CBFA2T3: variants seen among roughly 807,000 people sequenced by gnomAD.
The protein encoded by CBFA2T3 is transcriptional corepressor CBFA2T3.
In CBFA2T3, 31 loss-of-function variants were observed where a neutral mutation model predicts 58.6. That is an observed-to-expected ratio of 0.53 (90% CI 0.40 to 0.71). The LOEUF (loss-of-function observed/expected upper bound fraction) is 0.71. Ranked by LOEUF, CBFA2T3 falls within the 30% of genes least tolerant of loss-of-function variation. The pLI is 0.00. For synonymous variants in CBFA2T3, 531 were observed against 421.9 expected, an observed-to-expected ratio of 1.26 and a Z score of -3.17; for missense variants, 1,076 against 963.1, an observed-to-expected ratio of 1.12 and a Z score of -1.55.
intron 3 of CBFA2T3, among the ~76,000 whole-genome samples, chr16:88,896,698 C>T (rs1274867617): frequency 6.6e-6 from 1 of 152,178 alleles, no homozygotes; most frequent in Non-Finnish European, 1.5e-5. Context: ...GCTGGTTTCT[C>T]CAGAACACGA....
At chr16:88,908,696 G>T (rs1970421305) in intron 1 of CBFA2T3, among the ~76,000 whole-genome samples, 1 of 152,196 alleles carries the variant, frequency 6.6e-6, no homozygotes, top group Non-Finnish European at 1.5e-5. Flanking sequence ...GGCCTTCCCC[G>T]CCTCGTACCC....
Position 88,901,494 on chromosome 16 carries a change from G to C in CBFA2T3, c.304+10C>G, listed in dbSNP as rs755175038. ...ACCTGGCCCTCGGCTGCCAGGTGGG[G>C]GCTACTTACGTGTGTGTGGCGTGAA... is the stretch of plus-strand genomic sequence containing the variant. On this transcript the variant is annotated intron_variant, in intron 2 of 11. Coordinates refer to ENST00000268679, the MANE Select transcript of CBFA2T3 (RefSeq NM_005187.6). The C allele has an allele frequency of 4.2e-6, 6 of 1,439,984 alleles. No individual in the cohort carries two copies. In the South Asian group the frequency reaches 8.6e-5, roughly 21 times the overall value. 89.2% of individuals were successfully genotyped at this position (1,439,984 alleles called of 1,614,324 possible). A position where few individuals can be genotyped will look rare whatever the true frequency, so the allele number is the denominator to read the frequency against.
chr16:88,934,424 C>T (rs1037199121), intron 1 of CBFA2T3, among the ~76,000 whole-genome samples: 2 of 152,236 alleles, frequency 1.3e-5, no homozygotes, highest in South Asian at 2.1e-4. Flanking sequence ...GCAGCTCGGC[C>T]GCAGAGGCAC....
At chr16:88,974,308 G>A (rs1477532809) in intron 1 of CBFA2T3, among the ~76,000 whole-genome samples, 1 of 152,156 alleles carries the variant, frequency 6.6e-6, no homozygotes, top group Admixed American at 6.5e-5. Context: ...CGTCTTCAGG[G>A]GTTCCTTCTG....
intron 5 of CBFA2T3, among the ~76,000 whole-genome samples, chr16:88,890,535 T>TCACATGGTCAGACACATTTGG (rs1969589394): frequency 6.6e-6 from 1 of 152,114 alleles, no homozygotes. Flanking sequence ...GCAGAGAAGG[T>TCACATGGTCAGACACATTTGG]CACATGGTCA....
At chr16:88,940,831 C>A (rs1597765897) in intron 1 of CBFA2T3, among the ~76,000 whole-genome samples, 1 of 152,180 alleles carries the variant, frequency 6.6e-6, no homozygotes, top group African/African-American at 2.4e-5. Flanking sequence ...AGGTCAGGCT[C>A]TGCTCACGGG....
chr16:88,881,727 A>G, intron 8 of CBFA2T3: 1 of 482,850 alleles, frequency 2.1e-6, no homozygotes, highest in Non-Finnish European at 3.7e-6. Context: ...AGACGCACGC[A>G]GGAGTTTGGG....
Position 88,881,333 on chromosome 16 carries a change from G to C in CBFA2T3, c.1360C>G (p.Arg454Gly). Reference sequence around the variant, plus strand: ...GGACCGGCGGAGCTGCTGCGGGGCCGGGCCGCGGCGGGAGCGGGGCCCTTC... The same window carrying C: ...GGACCGGCGGAGCTGCTGCGGGGCCCGGCCGCGGCGGGAGCGGGGCCCTTC... ...TKKGPAPAAA[R>G]PRSSSAGPEG... The change falls in exon 9 of 12, where the codon CGG (arginine) becomes GGG (glycine). Residue 454 changes from arginine (R) to glycine (G), a missense_variant. By Grantham distance (125) the Arg-to-Gly change is moderately radical. Transcript: ENST00000268679. The C allele has an allele frequency of 6.3e-7, 1 of 1,581,248 alleles. No homozygotes were observed. The highest frequency in any genetic ancestry group is 8.6e-7 in the Non-Finnish European group (1 of 1,164,978).
chr16:88,909,866 C>T (rs1033165494), intron 1 of CBFA2T3, among the ~76,000 whole-genome samples: 1 of 152,262 alleles, frequency 6.6e-6, no homozygotes, highest in Non-Finnish European at 1.5e-5. Flanking sequence ...CCAGCCTCTA[C>T]TTGGCCGGGC....
At chr16:88,912,149 G>T (rs1008060071) in intron 1 of CBFA2T3, among the ~76,000 whole-genome samples, 1 of 152,228 alleles carries the variant, frequency 6.6e-6, no homozygotes, top group African/African-American at 2.4e-5. Context: ...GCCCACCCGC[G>T]CCTCCCCAAC....
chr16:88,888,659 T>A (rs1425908448), intron 5 of CBFA2T3, among the ~76,000 whole-genome samples: 1 of 125,486 alleles, frequency 8.0e-6, no homozygotes, highest in Admixed American at 8.0e-5. Flanking sequence ...AGGGCCAGGG[T>A]TCTGGCTTGT....
intron 2 of CBFA2T3, 47 bp from the exon 3 acceptor site, chr16:88,898,199 G>A (rs745745711): frequency 1.4e-6 from 2 of 1,464,664 alleles, no homozygotes; most frequent in South Asian, 1.1e-5. Flanking sequence ...GGCGTGGGCA[G>A]GAGACTCTGC....
chr16:88,915,105 T>A (rs1207546860), intron 1 of CBFA2T3, among the ~76,000 whole-genome samples: 2 of 149,924 alleles, frequency 1.3e-5, no homozygotes, highest in South Asian at 2.1e-4. Flanking sequence ...CTTGTCTCCA[T>A]GCCCCCAAGC....
intron 11 of CBFA2T3, among the ~76,000 whole-genome samples, 174 bp downstream of exon 11, chr16:88,879,096 T>G (rs1159388947): frequency 6.6e-6 from 1 of 152,226 alleles, no homozygotes; most frequent in Non-Finnish European, 1.5e-5. Context: ...CTGAACCATG[T>G]GGGATCTCTG....
At chr16:88,910,018 C>T (rs1007798664) in intron 1 of CBFA2T3, among the ~76,000 whole-genome samples, 2 of 152,230 alleles carry the variant, frequency 1.3e-5, no homozygotes, top group Non-Finnish European at 2.9e-5. Context: ...GCTGCTTGGC[C>T]AGTGCCACAG....
In CBFA2T3 at chr16:88,930,303, T is replaced by G. The variant is rs1002946699; in HGVS notation, c.152-28647A>C. Among the ~76,000 whole-genome samples the G allele has an allele frequency of 2.7e-5, 4 of 148,694 alleles. No homozygotes were observed. The East Asian group carries it at 6.0e-4, about 22-fold the overall frequency. ...CGCAAAAGCTACCAATACCCACAGC[T>G]GCATGGTCCACGCAAAAGCTACCAA... On this transcript the variant is annotated intron_variant, in intron 1 of 11. Transcript: ENST00000268679.
intron 1 of CBFA2T3, among the ~76,000 whole-genome samples, chr16:88,934,032 A>G (rs1407908354): frequency 6.6e-6 from 1 of 152,234 alleles, no homozygotes; most frequent in Non-Finnish European, 1.5e-5. Flanking sequence ...AAGATTATAT[A>G]TTATAAACAT....
At chr16:88,879,590 C>T in intron 10 of CBFA2T3, 130 bp from the exon 11 acceptor site, 1 of 774,554 alleles carries the variant, frequency 1.3e-6, no homozygotes, top group Non-Finnish European at 2.1e-6. Flanking sequence ...TCTGTGCACA[C>T]AAAGGCACAT....
chr16:88,935,998 T>A (rs1437832225), intron 1 of CBFA2T3, among the ~76,000 whole-genome samples: 1 of 152,086 alleles, frequency 6.6e-6, no homozygotes, highest in Non-Finnish European at 1.5e-5. Context: ...CCCCGCTGCC[T>A]CCGGGAACAG....
Sources: allele counts gnomAD v4.1 joint callset (sites outside exome capture counted in the v4.1 genomes callset), GRCh38; gene constraint gnomAD v4.1.1; transcripts MANE v1.5; gene names NCBI Gene and HGNC (gene_info 2026-07-23, HGNC 2026-07-21).